The following FARSB variants were observed in gnomAD, a reference collection of about 807,000 sequenced individuals.
The protein encoded by FARSB is phenylalanyl-tRNA synthetase subunit beta, also known as phenylalanine--tRNA ligase beta subunit.
Under a neutral mutation model 69.6 loss-of-function variants are expected in FARSB, and 40 were observed. That is an observed-to-expected ratio of 0.57 (90% CI 0.45 to 0.75). The LOEUF (loss-of-function observed/expected upper bound fraction) is 0.75, where lower values mean the gene tolerates loss of function less well. Ranked by LOEUF, FARSB falls within the 30% of genes least tolerant of loss-of-function variation. FARSB has a pLI of 0.00. For synonymous variants in FARSB, 235 were observed against 247.2 expected (o/e 0.95, Z 0.46); for missense variants, 632 against 722.9 (o/e 0.87, Z 1.44).
chr2:222,604,359 C>A (rs531026152), intron 15 of FARSB, among the ~76,000 whole-genome samples: 3 of 152,100 alleles, frequency 2.0e-5, no homozygotes, highest in African/African-American at 7.2e-5. Context: ...AGTGAAGTTT[C>A]TAGCCATGAA....
chr2:222,655,949 C>A, intron 1 of FARSB, 67 bp downstream of exon 1: 1 of 1,292,196 alleles, frequency 7.7e-7, no homozygotes, highest in Non-Finnish European at 1.1e-6. Flanking sequence ...CGCCACATTG[C>A]CCTTTTGGAG....
In FARSB at chr2:222,634,538, T is replaced by C. The variant is rs749078238; in HGVS notation, c.459A>G (p.Lys153=). The part of the protein sequence containing the change: ...QEKLHQNICR[K]RALVAIGTHD... ...GGGTACCAATGGCAACCAGTGCTCT[T>C]TTCCTAATTGTTGAGAGGTTGAGGG... The change falls in exon 6 of 17, where the codon AAA becomes AAG. Residue 153 remains lysine, a synonymous_variant. Transcript: ENST00000281828. 9.3e-6 allele frequency: 15 copies of C among 1,610,870 alleles called. No individual in the cohort carries two copies. The South Asian group carries it at 1.5e-4, about 17-fold the overall frequency.
At chr2:222,649,444 ACAC>A (rs1226843739) in intron 1 of FARSB, among the ~76,000 whole-genome samples, 3 of 152,254 alleles carry the variant, frequency 2.0e-5, no homozygotes, top group Non-Finnish European at 2.9e-5. Context: ...CACAGATCTC[ACAC>A]AACAGAATGT....
At position 222,623,153 on chromosome 2, in the gene FARSB, C is replaced by T. The variant is rs963557508; in HGVS notation, c.1251+497G>A. ...TCAATCTGGTGGGGGAGGGAAATTTCCTTCTGATTTTGTAATAAAAGTCAT... is the reference window on the plus strand; with the variant it reads ...TCAATCTGGTGGGGGAGGGAAATTTTCTTCTGATTTTGTAATAAAAGTCAT... On this transcript the variant is annotated intron_variant, in intron 13 of 16. Transcript: ENST00000281828. 7.2e-4 allele frequency among the ~76,000 whole-genome samples: 110 copies of T among 152,258 alleles called. 1 individual carries two copies. Among genetic ancestry groups the T allele is most frequent in the African/African-American group, 2.5e-3 (104 of 41,542 alleles).
intron 3 of FARSB, among the ~76,000 whole-genome samples, chr2:222,642,110 T>C (rs1210573112): frequency 3.9e-5 from 6 of 152,070 alleles, no homozygotes; most frequent in Non-Finnish European, 2.9e-5. Flanking sequence ...CAAACGATTC[T>C]GTGCCTCAGC....
At chr2:222,586,715 T>G (rs1690123805) in intron 16 of FARSB, among the ~76,000 whole-genome samples, 1 of 152,132 alleles carries the variant, frequency 6.6e-6, no homozygotes, top group Non-Finnish European at 1.5e-5. Context: ...AATCCTAGTC[T>G]CTGATAAAAC....
chr2:222,612,086 C>A (rs552694263), intron 15 of FARSB, among the ~76,000 whole-genome samples: 1 of 152,290 alleles, frequency 6.6e-6, no homozygotes, highest in African/African-American at 2.4e-5. Context: ...GGAAACAACT[C>A]AAGGCTAACA....
chr2:222,581,220 A>T (rs1226653111), intron 16 of FARSB, among the ~76,000 whole-genome samples: 1 of 152,246 alleles, frequency 6.6e-6, no homozygotes, highest in African/African-American at 2.4e-5. Flanking sequence ...CATTTTTATG[A>T]AGGTATTGGG....
At position 222,621,949 on chromosome 2, in the gene FARSB, T is replaced by C. The variant is rs190074405; in HGVS notation, c.1251+1701A>G. On this transcript the variant is annotated intron_variant, in intron 13 of 16. Coordinates refer to ENST00000281828, the MANE Select transcript of FARSB (RefSeq NM_005687.5). ...TTTCTCTTCCCCCCAGTGATAAACATTGAATGTATTAAAGTGACTTTGGAC... is the reference window on the plus strand; with the variant it reads ...TTTCTCTTCCCCCCAGTGATAAACACTGAATGTATTAAAGTGACTTTGGAC... Among the ~76,000 whole-genome samples the C allele has an allele frequency of 3.5e-3, 528 of 152,336 alleles. 1 individual carries two copies. Among genetic ancestry groups the C allele is most frequent in the Non-Finnish European group, 4.6e-3 (312 of 68,014 alleles).
chr2:222,606,026 A>G (rs1460033179), intron 15 of FARSB, among the ~76,000 whole-genome samples: 1 of 152,234 alleles, frequency 6.6e-6, no homozygotes. Context: ...AATGAACTAT[A>G]TATTTTTAGA....
In FARSB at chr2:222,569,549, C is replaced by G. The variant is rs143339778; in HGVS notation, c.*2322G>C. The stretch of plus-strand genomic sequence containing the variant: ...TTACATTACATTCTTTTTCTCCCAG[C>G]TTTACAAAGGTATAACCTACACCTG... On this transcript the variant is annotated 3_prime_UTR_variant, in exon 17 of 17. Transcript: ENST00000281828. 3.9e-5 allele frequency: 6 copies of G among 152,268 alleles called. No individual in the cohort carries two copies. Among genetic ancestry groups the G allele is most frequent in the Non-Finnish European group, 7.4e-5 (5 of 68,022 alleles). The allele number at this position is 152,268 out of a possible 1,614,324, so 9.4% of individuals were successfully genotyped here. A position where few individuals can be genotyped will look rare whatever the true frequency, so the allele number is the denominator to read the frequency against.
intron 9 of FARSB, 111 bp downstream of exon 9, chr2:222,630,002 A>C (rs577904364): frequency 2.9e-6 from 2 of 680,288 alleles, no homozygotes; most frequent in African/African-American, 3.8e-5. Context: ...CAGCCTCCCA[A>C]AGTGCTGGGA....
At chr2:222,601,278 CAAT>C (rs1014290594) in intron 15 of FARSB, among the ~76,000 whole-genome samples, 5 of 151,994 alleles carry the variant, frequency 3.3e-5, no homozygotes, top group African/African-American at 9.7e-5. Context: ...TTTTTTACCA[CAAT>C]AATAATAATT....
Position 222,571,108 on chromosome 2 carries a change from C to G in FARSB, c.*763G>C, listed in dbSNP as rs940875234. 1.3e-5 allele frequency: 2 copies of G among 152,184 alleles called. No individual in the cohort carries two copies. Among genetic ancestry groups the G allele is most frequent in the African/African-American group, 2.4e-5 (1 of 41,446 alleles). 9.4% of individuals were successfully genotyped at this position (152,184 alleles called of 1,614,324 possible). A position where few individuals can be genotyped will look rare whatever the true frequency, so the allele number is the denominator to read the frequency against. ...TTTAAAACCATGATTTTATAACTGA[C>G]TGATTACAGTAACATGTATGGCCTA... is the stretch of plus-strand genomic sequence containing the variant. On this transcript the variant is annotated 3_prime_UTR_variant, in exon 17 of 17. Transcript: ENST00000281828.
chr2:222,612,913 G>A (rs1690895502), intron 15 of FARSB, among the ~76,000 whole-genome samples: 1 of 152,136 alleles, frequency 6.6e-6, no homozygotes, highest in African/African-American at 2.4e-5. Flanking sequence ...CAAGCCCAGG[G>A]CTTACTCAAA....
At chr2:222,630,600 T>A (rs1691393738) in intron 8 of FARSB, among the ~76,000 whole-genome samples, 1 of 152,194 alleles carries the variant, frequency 6.6e-6, no homozygotes, top group African/African-American at 2.4e-5. Context: ...ATTCCTATCT[T>A]GTCTGGTACT....
In FARSB at chr2:222,656,037, G is replaced by T. The variant is rs1452524467; in HGVS notation, c.37C>A (p.Gln13Lys). ...TVSVKRDLLF[Q>K]ALGRTYTDEE... The stretch of plus-strand genomic sequence containing the variant: ...TCACTGTAGGTGCGGCCCAGGGCTT[G>T]GAAGAGCAGATCACGCTTCACGCTG... The change falls in exon 1 of 17, where the codon CAA (glutamine) becomes AAA (lysine). Residue 13 changes from glutamine (Q) to lysine (K), a missense_variant. Coordinates refer to ENST00000281828, the MANE Select transcript of FARSB (RefSeq NM_005687.5). The T allele has an allele frequency of 6.3e-7, 1 of 1,597,232 alleles. No homozygotes were observed. Among genetic ancestry groups the T allele is most frequent in the Admixed American group, 1.8e-5 (1 of 56,732 alleles).
intron 3 of FARSB, 120 bp from the exon 4 acceptor site, chr2:222,641,051 G>A (rs1466975467): frequency 5.0e-6 from 2 of 400,694 alleles, no homozygotes; most frequent in South Asian, 1.0e-4. Context: ...TTGAGTTACA[G>A]CAAGTCAAAT....
chr2:222,629,128 T>C (rs1691352934), intron 9 of FARSB, among the ~76,000 whole-genome samples: 1 of 152,116 alleles, frequency 6.6e-6, no homozygotes, highest in Non-Finnish European at 1.5e-5. Context: ...TATTTTCCAG[T>C]ACTGCAAAGC....
Sources: gnomAD v4.1 joint callset for allele counts (sites outside exome capture counted in the v4.1 genomes callset) on GRCh38, gnomAD v4.1.1 for gene constraint, MANE v1.5 for transcripts, NCBI Gene and HGNC (gene_info 2026-07-23, HGNC 2026-07-21) for gene names.